The following FMNL2 variants were observed in gnomAD, a reference collection of about 807,000 sequenced individuals.
The protein encoded by FMNL2 is formin like 2.
In FMNL2, 51 loss-of-function variants were observed where a neutral mutation model predicts 130.2. The observed-to-expected ratio is 0.39, with a 90% CI of 0.31 to 0.49. FMNL2 has a LOEUF of 0.49. Among genes scored for constraint, FMNL2 ranks in the 20% least tolerant of loss-of-function variants. The pLI, the probability that FMNL2 is intolerant of heterozygous loss-of-function variation, is 0.85. For missense variants in FMNL2, 977 were observed against 1,316.2 expected, an observed-to-expected ratio of 0.74 and a Z score of 3.99; for synonymous variants, 465 against 467.1, an observed-to-expected ratio of 1.00 and a Z score of 0.06.
At chr2:152,375,673 CA>C (rs1684112122) in intron 1 of FMNL2, among the ~76,000 whole-genome samples, 1 of 151,798 alleles carries the variant, frequency 6.6e-6, no homozygotes, top group Non-Finnish European at 1.5e-5. Context: ...GTGAAATCTG[CA>C]GCTGAATTTA....
At position 152,560,997 on chromosome 2, in the gene FMNL2, C is replaced by G; in HGVS notation, c.558C>G (p.Gly186=). 2 of 1,604,334 alleles carry G rather than the reference C, an allele frequency of 1.2e-6. No homozygotes were observed. Among genetic ancestry groups the G allele is most frequent in the Non-Finnish European group, 1.7e-6 (2 of 1,175,278 alleles). Reference sequence around the variant, plus strand: ...GGAGCAACCTGCCCTCACCTGTGGGCAACAGTGTCTCCCGCTCTGGAAGAC... The same window carrying G: ...GGAGCAACCTGCCCTCACCTGTGGGGAACAGTGTCTCCCGCTCTGGAAGAC... ...HRGSNLPSPV[G]NSVSRSGRHS... The change falls in exon 6 of 26, where the codon GGC becomes GGG. Residue 186 remains glycine, a synonymous_variant. Transcript: ENST00000288670.
chr2:152,395,696 G>A (rs1283148089), intron 1 of FMNL2, among the ~76,000 whole-genome samples: 6 of 152,340 alleles, frequency 3.9e-5, no homozygotes, highest in Non-Finnish European at 7.4e-5. Flanking sequence ...ACATGAAATT[G>A]AGAGGACGGT....
In FMNL2 at chr2:152,619,663, A is replaced by C; in HGVS notation, c.1782A>C (p.Ala594=). 1 of 1,608,916 alleles carries C rather than the reference A, an allele frequency of 6.2e-7. No homozygotes were observed. Among genetic ancestry groups the C allele is most frequent in the South Asian group, 1.1e-5 (1 of 90,446 alleles). Residue 594 remains alanine (A), a synonymous_variant, in exon 15 of 26, where the codon GCA becomes GCC. Coordinates refer to ENST00000288670, the MANE Select transcript of FMNL2 (RefSeq NM_052905.4). ...CCTTAGCACCTCCCCTTCCCTCTGC[A>C]CCTCCGCTGCCTGGAACATCTTCAC... ...APPLAPPLPS[A]PPLPGTSSPT...
At chr2:152,464,002 G>T (rs2105141698) in intron 1 of FMNL2, among the ~76,000 whole-genome samples, 1 of 152,270 alleles carries the variant, frequency 6.6e-6, no homozygotes, top group East Asian at 1.9e-4. Context: ...GTGCAGTCTT[G>T]GCTCACTGCA....
intron 1 of FMNL2, among the ~76,000 whole-genome samples, chr2:152,393,898 A>T (rs1685252216): frequency 6.6e-6 from 1 of 152,190 alleles, no homozygotes; most frequent in South Asian, 2.1e-4. Context: ...CTGAGATGTG[A>T]GTATTATATA....
At chr2:152,561,833 C>T (rs1293666134) in intron 6 of FMNL2, among the ~76,000 whole-genome samples, 2 of 152,176 alleles carry the variant, frequency 1.3e-5, no homozygotes, top group African/African-American at 2.4e-5. Context: ...CCACCTTGGC[C>T]TCCCAAAGTG....
chr2:152,427,508 G>A (rs1270523194), intron 1 of FMNL2, among the ~76,000 whole-genome samples: 1 of 152,144 alleles, frequency 6.6e-6, no homozygotes, highest in Non-Finnish European at 1.5e-5. Flanking sequence ...TCATGCCACT[G>A]CACTCCAGCC....
intron 16 of FMNL2, 134 bp downstream of exon 16, chr2:152,625,696 A>T (rs1200307747): frequency 2.9e-6 from 3 of 1,037,540 alleles, no homozygotes; most frequent in East Asian, 2.4e-5. Context: ...AGAAACATGT[A>T]TGTAATATTG....
chr2:152,401,218 A>G (rs1166840582), intron 1 of FMNL2, among the ~76,000 whole-genome samples: 2 of 152,232 alleles, frequency 1.3e-5, no homozygotes, highest in Non-Finnish European at 2.9e-5. Flanking sequence ...AGTTTCAAAA[A>G]GTATTATTTT....
intron 10 of FMNL2, among the ~76,000 whole-genome samples, chr2:152,608,536 C>A (rs1251124471): frequency 1.3e-4 from 19 of 147,872 alleles, no homozygotes; most frequent in African/African-American, 4.4e-4. Context: ...TATATATATA[C>A]TTTATATATA....
chr2:152,349,806 T>C (rs971120840), intron 1 of FMNL2, among the ~76,000 whole-genome samples: 1 of 152,212 alleles, frequency 6.6e-6, no homozygotes, highest in Non-Finnish European at 1.5e-5. Flanking sequence ...AGATTCTAGC[T>C]CAGTCCCAAC....
chr2:152,390,599 T>C (rs1685057358), intron 1 of FMNL2: 1 of 1,244,620 alleles, frequency 8.0e-7, no homozygotes, highest in African/African-American at 1.5e-5. Context: ...TGGATCAGCA[T>C]CTGGAGATGG....
chr2:152,396,934 A>C (rs1223233833), intron 1 of FMNL2, among the ~76,000 whole-genome samples: 3 of 152,214 alleles, frequency 2.0e-5, no homozygotes. Context: ...TGCTTAAAGA[A>C]TCATAAGACT....
chr2:152,578,792 A>G (rs1289155472), intron 7 of FMNL2, 96 bp from the exon 8 acceptor site: 3 of 848,164 alleles, frequency 3.5e-6, no homozygotes, highest in Admixed American at 2.4e-5. Context: ...TTCATTAGGT[A>G]GATACTTCGG....
At chr2:152,373,444 C>G (rs933057343) in intron 1 of FMNL2, among the ~76,000 whole-genome samples, 2 of 151,934 alleles carry the variant, frequency 1.3e-5, no homozygotes, top group Non-Finnish European at 2.9e-5. Flanking sequence ...GAAGGAAATC[C>G]CTGGATAGAG....
At chr2:152,604,060 C>G (rs1197058822) in intron 9 of FMNL2, among the ~76,000 whole-genome samples, 1 of 150,796 alleles carries the variant, frequency 6.6e-6, no homozygotes. Flanking sequence ...TTTCGAGGTT[C>G]CATGGAAGTT....
chr2:152,600,621 A>G (rs1697999947), intron 9 of FMNL2, among the ~76,000 whole-genome samples: 2 of 152,096 alleles, frequency 1.3e-5, no homozygotes, highest in Admixed American at 6.5e-5. Context: ...CCACCCTTTG[A>G]GATGCTTTAA....
chr2:152,484,464 A>G (rs998699555), intron 1 of FMNL2, among the ~76,000 whole-genome samples: 1 of 151,312 alleles, frequency 6.6e-6, no homozygotes, highest in African/African-American at 2.4e-5. Flanking sequence ...ATACAGCAAG[A>G]CTGTGTCTCT....
intron 1 of FMNL2, among the ~76,000 whole-genome samples, chr2:152,379,805 TTC>T (rs1221518110): frequency 6.6e-6 from 1 of 152,214 alleles, no homozygotes; most frequent in African/African-American, 2.4e-5. Context: ...TTATAATGTG[TTC>T]CGACTTCAAA....
Sources: allele counts gnomAD v4.1 joint callset (sites outside exome capture counted in the v4.1 genomes callset), GRCh38; gene constraint gnomAD v4.1.1; transcripts MANE v1.5; gene names NCBI Gene and HGNC (gene_info 2026-07-23, HGNC 2026-07-21).